RARB: variants seen among roughly 807,000 people sequenced by gnomAD.
RARB encodes the protein retinoic acid receptor beta, also known as HBV-activated protein.
RARB carries 17 observed loss-of-function variants against 51.9 expected under a neutral mutation model. The observed-to-expected ratio is 0.33, with a 90% CI of 0.22 to 0.49. The LOEUF (loss-of-function observed/expected upper bound fraction) is 0.49. Ranked by LOEUF, RARB falls within the 20% of genes least tolerant of loss-of-function variation. The probability of loss-of-function intolerance (pLI) is 0.99; values close to 1 mark genes in which losing one functional copy is unlikely to be tolerated. For missense variants in RARB, 369 were observed against 550.8 expected, an observed-to-expected ratio of 0.67 and a Z score of 3.30; for synonymous variants, 215 against 195.4, an observed-to-expected ratio of 1.10 and a Z score of -0.84.
chr3:24,928,991 A>G (rs1695383247), intron 2 of RARB, among the ~76,000 whole-genome samples: 1 of 152,030 alleles, frequency 6.6e-6, no homozygotes, highest in African/African-American at 2.4e-5. Context: ...TAGTATTTTG[A>G]TCATGTTTTC....
intron 5 of RARB, among the ~76,000 whole-genome samples, chr3:25,274,789 C>G (rs1280113071): frequency 6.6e-6 from 1 of 152,008 alleles, no homozygotes; most frequent in Non-Finnish European, 1.5e-5. Flanking sequence ...GGCAAAAATA[C>G]AGGAAGGGGA....
At chr3:25,326,230 T>C (rs1704712837) in intron 5 of RARB, among the ~76,000 whole-genome samples, 1 of 152,220 alleles carries the variant, frequency 6.6e-6, no homozygotes, top group African/African-American at 2.4e-5. Flanking sequence ...GGTATCCAAC[T>C]GGACCTGCTA....
At chr3:24,985,704 T>A (rs1005930145) in intron 2 of RARB, among the ~76,000 whole-genome samples, 1 of 152,212 alleles carries the variant, frequency 6.6e-6, no homozygotes, top group Admixed American at 6.5e-5. Context: ...TTTTGTTCAT[T>A]TTTTTTCCAT....
chr3:25,225,796 A>C (rs926780808), intron 5 of RARB, among the ~76,000 whole-genome samples: 7 of 152,170 alleles, frequency 4.6e-5, no homozygotes, highest in African/African-American at 1.7e-4. Flanking sequence ...AGGTTATTTT[A>C]ATTTGCTTAA....
At chr3:25,463,389 G>A (rs1695279465) in intron 2 of RARB, among the ~76,000 whole-genome samples, 1 of 152,044 alleles carries the variant, frequency 6.6e-6, no homozygotes. Context: ...ATTTGGCCAG[G>A]TGCAGTGGCT....
At chr3:25,240,586 G>T (rs1702407961) in intron 5 of RARB, among the ~76,000 whole-genome samples, 1 of 152,096 alleles carries the variant, frequency 6.6e-6, no homozygotes, top group Admixed American at 6.6e-5. Flanking sequence ...TTTATTGAGT[G>T]ATCATACAGT....
At chr3:25,048,860 A>G (rs574339776) in intron 2 of RARB, among the ~76,000 whole-genome samples, 13 of 140,440 alleles carry the variant, frequency 9.3e-5, no homozygotes, top group African/African-American at 3.0e-4. Flanking sequence ...GGTTCTCGCC[A>G]TTCTCCTGCC....
intron 1 of RARB, among the ~76,000 whole-genome samples, chr3:25,435,913 C>G (rs960090834): frequency 6.6e-6 from 1 of 151,972 alleles, no homozygotes; most frequent in Non-Finnish European, 1.5e-5. Context: ...ACTAAAATAC[C>G]GTTGTTGCCA....
intron 3 of RARB, among the ~76,000 whole-genome samples, chr3:25,093,222 G>A (rs150379657): frequency 2.5e-3 from 375 of 152,300 alleles, no homozygotes; most frequent in African/African-American, 8.7e-3. Context: ...ATATAAAGCT[G>A]TCTGATACTT....
intron 2 of RARB, among the ~76,000 whole-genome samples, chr3:24,884,828 A>G (rs574123891): frequency 6.6e-6 from 1 of 152,296 alleles, no homozygotes; most frequent in South Asian, 2.1e-4. Flanking sequence ...CAAAAATAGA[A>G]ACTATTACAA....
At chr3:25,465,244 C>G (rs1695374238) in intron 2 of RARB, among the ~76,000 whole-genome samples, 1 of 152,150 alleles carries the variant, frequency 6.6e-6, no homozygotes, top group Admixed American at 6.6e-5. Context: ...AATCCAGAAG[C>G]AACTTTTCTT....
At chr3:24,944,318 AGTGCTT>A (rs1695730446) in intron 2 of RARB, among the ~76,000 whole-genome samples, 1 of 152,228 alleles carries the variant, frequency 6.6e-6, no homozygotes, top group African/African-American at 2.4e-5. Flanking sequence ...CACAGAGTCC[AGTGCTT>A]GACACATAAT....
intron 1 of RARB, among the ~76,000 whole-genome samples, chr3:24,835,048 TTC>T (rs2125327636): frequency 1.3e-5 from 2 of 152,318 alleles, no homozygotes; most frequent in South Asian, 4.1e-4. Context: ...ATTGTCTTTC[TTC>T]ATCACTCTTA....
chr3:24,896,269 T>G (rs1244624343), intron 2 of RARB, among the ~76,000 whole-genome samples: 3 of 152,122 alleles, frequency 2.0e-5, no homozygotes, highest in Admixed American at 6.5e-5. Flanking sequence ...GTGTTTTGTT[T>G]TTTGTTTTGA....
intron 3 of RARB, 59 bp from the exon 4 acceptor site, chr3:25,569,699 C>G (rs1277094715): frequency 7.1e-6 from 11 of 1,556,948 alleles, no homozygotes; most frequent in Middle Eastern, 3.8e-4. Context: ...AACCTCCCAG[C>G]TCAGGAGCAC....
chr3:25,348,455 T>C (rs1705464111), intron 5 of RARB, among the ~76,000 whole-genome samples: 1 of 137,546 alleles, frequency 7.3e-6, no homozygotes, highest in African/African-American at 2.7e-5. Flanking sequence ...TGTTGGCTTC[T>C]TTGCAGGAAT....
At chr3:25,347,892 C>A (rs147275085) in intron 5 of RARB, among the ~76,000 whole-genome samples, 214 of 152,266 alleles carry the variant, frequency 1.4e-3, no homozygotes, top group Middle Eastern at 0.014. Context: ...GTATGTACAG[C>A]CCTGGTAATA....
chr3:25,153,314 A>G (rs989524737), intron 4 of RARB, among the ~76,000 whole-genome samples: 6 of 152,166 alleles, frequency 3.9e-5, no homozygotes, highest in African/African-American at 1.4e-4. Flanking sequence ...TTAACAAGCA[A>G]TTTCCAAATC....
At chr3:25,019,479 TC>T (rs1697582562) in intron 2 of RARB, among the ~76,000 whole-genome samples, 1 of 151,980 alleles carries the variant, frequency 6.6e-6, no homozygotes, top group East Asian at 1.9e-4. Flanking sequence ...GATGCCAAAT[TC>T]CCTTTTTTTT....
Sources: gnomAD v4.1 joint callset for allele counts (sites outside exome capture counted in the v4.1 genomes callset) on GRCh38, gnomAD v4.1.1 for gene constraint, MANE v1.5 for transcripts, NCBI Gene and HGNC (gene_info 2026-07-23, HGNC 2026-07-21) for gene names.